Variants in LRPPRC observed in about 807,000 individuals in gnomAD.
LRPPRC encodes leucine-rich PPR motif-containing protein, mitochondrial.
LRPPRC carries 120 observed loss-of-function variants against 180.3 expected under a neutral mutation model. The observed-to-expected ratio is 0.67, with a 90% confidence interval of 0.57 to 0.77. The LOEUF (loss-of-function observed/expected upper bound fraction) is 0.77, where lower values mean the gene tolerates loss of function less well. LRPPRC is among the 30% of genes least tolerant of loss of function. LRPPRC has a pLI of 0.00. For missense variants in LRPPRC, 2,012 were observed against 1,657.2 expected, an observed-to-expected ratio of 1.21 and a Z score of -3.72; for synonymous variants, 723 against 600.0, an observed-to-expected ratio of 1.21 and a Z score of -3.00.
At chr2:43,900,946 C>T (rs751954125) in intron 32 of LRPPRC, among the ~76,000 whole-genome samples, 2 of 151,962 alleles carry the variant, frequency 1.3e-5, no homozygotes, top group Non-Finnish European at 2.9e-5. Context: ...AATAAGCTTG[C>T]GGGGCCTTCT....
intron 3 of LRPPRC, among the ~76,000 whole-genome samples, chr2:43,978,542 C>CAAT (rs1674160155): frequency 6.6e-6 from 1 of 152,048 alleles, no homozygotes; most frequent in Non-Finnish European, 1.5e-5. Flanking sequence ...TCTCCCAGTT[C>CAAT]AATGACTTAC....
At chr2:43,962,926 T>C (rs1381261392) in intron 12 of LRPPRC, among the ~76,000 whole-genome samples, 2 of 152,192 alleles carry the variant, frequency 1.3e-5, no homozygotes, top group African/African-American at 4.8e-5. Flanking sequence ...GATAACATAC[T>C]GAAACTCCTG....
At chr2:43,960,076 A>G (rs1381307652) in intron 13 of LRPPRC, among the ~76,000 whole-genome samples, 2 of 152,228 alleles carry the variant, frequency 1.3e-5, no homozygotes, top group Non-Finnish European at 2.9e-5. Flanking sequence ...CTAGTGTTTA[A>G]AAATGTTTAG....
Position 43,888,692 on chromosome 2 carries a change from C to T in LRPPRC, c.4129-36G>A, listed in dbSNP as rs751774152. ...GAAAAAAAGAGGGAAGTTAGAGATA[C>T]CAGCAAGAGGTGATGGTACATAACT... On this transcript the variant is annotated intron_variant, in intron 37 of 37. Transcript: ENST00000260665. 1.9e-5 allele frequency: 22 copies of T among 1,155,502 alleles called. No individual in the cohort carries two copies. The East Asian group carries it at 4.7e-4, about 25-fold the overall frequency. 71.6% of individuals were successfully genotyped at this position (1,155,502 alleles called of 1,614,324 possible).
chr2:43,981,548 T>C (rs766144538), intron 2 of LRPPRC, among the ~76,000 whole-genome samples: 1 of 151,868 alleles, frequency 6.6e-6, no homozygotes, highest in Non-Finnish European at 1.5e-5. Context: ...TCCCAGCTAC[T>C]TGGGAGGCTG....
chr2:43,920,620 A>T (rs1671666591), intron 27 of LRPPRC, among the ~76,000 whole-genome samples: 2 of 152,132 alleles, frequency 1.3e-5, no homozygotes, highest in Non-Finnish European at 2.9e-5. Context: ...CTTCATTAAA[A>T]TGTTATTGTG....
At chr2:43,973,032 T>C (rs1348398572) in intron 11 of LRPPRC, among the ~76,000 whole-genome samples, 1 of 152,192 alleles carries the variant, frequency 6.6e-6, no homozygotes, top group African/African-American at 2.4e-5. Context: ...AGACATCCCA[T>C]GTGTACAAGG....
At chr2:43,927,772 TG>T (rs962186175) in intron 25 of LRPPRC, among the ~76,000 whole-genome samples, 7 of 152,236 alleles carry the variant, frequency 4.6e-5, no homozygotes, top group Admixed American at 3.3e-4. Flanking sequence ...GCAGGACAGC[TG>T]ATTTATATGG....
chr2:43,993,911 A>T (rs1674900431), intron 1 of LRPPRC, among the ~76,000 whole-genome samples: 1 of 152,140 alleles, frequency 6.6e-6, no homozygotes, highest in African/African-American at 2.4e-5. Flanking sequence ...TAAGGGGGAA[A>T]GGCCTTTACA....
At chr2:43,915,039 C>A (rs79876739) in intron 29 of LRPPRC, among the ~76,000 whole-genome samples, 2 of 113,810 alleles carry the variant, frequency 1.8e-5, no homozygotes, top group African/African-American at 3.5e-5. Flanking sequence ...GAAACCCTGT[C>A]TCTACTAAAA....
At chr2:43,953,492 T>C (rs1019603251) in intron 14 of LRPPRC, among the ~76,000 whole-genome samples, 49 of 152,220 alleles carry the variant, frequency 3.2e-4, no homozygotes, top group Middle Eastern at 3.2e-3. Flanking sequence ...TCCTGGGTAG[T>C]GTCCCCTTTG....
At chr2:43,956,236 T>C (rs1204305654) in intron 14 of LRPPRC, among the ~76,000 whole-genome samples, 1 of 152,174 alleles carries the variant, frequency 6.6e-6, no homozygotes, top group Non-Finnish European at 1.5e-5. Context: ...TCAAATCCAA[T>C]GCATCAATTT....
chr2:43,889,377 A>C (rs181452788), intron 37 of LRPPRC, among the ~76,000 whole-genome samples: 1 of 151,132 alleles, frequency 6.6e-6, no homozygotes, highest in African/African-American at 2.4e-5. Context: ...AAACCAACTT[A>C]TGTAAATGAA....
intron 30 of LRPPRC, among the ~76,000 whole-genome samples, chr2:43,908,176 GGTT>G (rs368314012): frequency 2.0e-5 from 3 of 152,220 alleles, no homozygotes; most frequent in African/African-American, 7.2e-5. Context: ...GATAAAGTAG[GGTT>G]GTTGTTACAT....
chr2:43,932,786 C>T (rs1479384466), intron 25 of LRPPRC, among the ~76,000 whole-genome samples: 1 of 152,150 alleles, frequency 6.6e-6, no homozygotes, highest in African/African-American at 2.4e-5. Flanking sequence ...CATGAGGAAG[C>T]TTAGAAAGGT....
At chr2:43,894,385 CTGAGT>C (rs1178485301) in intron 36 of LRPPRC, among the ~76,000 whole-genome samples, 155 bp downstream of exon 36, 2 of 152,132 alleles carry the variant, frequency 1.3e-5, no homozygotes, top group African/African-American at 4.8e-5. Context: ...TATTCCAGAA[CTGAGT>C]TATTTATATC....
At chr2:43,982,613 A>T (rs1674361899) in intron 1 of LRPPRC, among the ~76,000 whole-genome samples, 179 bp from the exon 2 acceptor site, 1 of 152,228 alleles carries the variant, frequency 6.6e-6, no homozygotes, top group Non-Finnish European at 1.5e-5. Context: ...AGATAAAATC[A>T]TATACACACA....
intron 11 of LRPPRC, 77 bp from the exon 12 acceptor site, chr2:43,963,783 T>C (rs1673449524): frequency 3.5e-6 from 3 of 846,760 alleles, no homozygotes; most frequent in African/African-American, 1.7e-5. Flanking sequence ...TTCAGTTCAA[T>C]TATTTTCTGA....
chr2:43,932,972 C>G (rs937182063), intron 25 of LRPPRC, among the ~76,000 whole-genome samples: 1 of 152,196 alleles, frequency 6.6e-6, no homozygotes, highest in African/African-American at 2.4e-5. Flanking sequence ...AATACTGACA[C>G]TGTACCTACA....
Sources: gnomAD v4.1 joint callset for allele counts (sites outside exome capture counted in the v4.1 genomes callset) on GRCh38, gnomAD v4.1.1 for gene constraint, MANE v1.5 for transcripts, NCBI Gene and HGNC (gene_info 2026-07-23, HGNC 2026-07-21) for gene names.